The following TMEM233 variants were observed in gnomAD, a reference collection of about 807,000 sequenced individuals.
The protein encoded by TMEM233 is transmembrane protein 233, also known as dispanin subfamily B member 2.
A neutral mutation model predicts 11.2 loss-of-function variants in TMEM233; 6 were observed. That is an observed-to-expected ratio of 0.54 (90% CI 0.29 to 1.06). The LOEUF (loss-of-function observed/expected upper bound fraction) is 1.06, where lower values mean the gene tolerates loss of function less well. Ranked by LOEUF, TMEM233 falls within the 50% of genes least tolerant of loss-of-function variation. The pLI is 0.08. For synonymous variants in TMEM233, 59 were observed against 55.8 expected, an observed-to-expected ratio of 1.06 and a Z score of -0.26; for missense variants, 127 against 144.7, an observed-to-expected ratio of 0.88 and a Z score of 0.63.
At chr12:119,596,577 C>T (rs1480726461) in intron 1 of TMEM233, among the ~76,000 whole-genome samples, 6 of 148,004 alleles carry the variant, frequency 4.1e-5, no homozygotes, top group African/African-American at 1.5e-4. Flanking sequence ...CTGCAACCTC[C>T]ACCTCCCGGG....
At chr12:119,640,398 C>T (rs544205099) in intron 2 of TMEM233, among the ~76,000 whole-genome samples, 2 of 152,304 alleles carry the variant, frequency 1.3e-5, no homozygotes, top group Non-Finnish European at 2.9e-5. Flanking sequence ...CCTCGTGATC[C>T]ACCCGCCTCA....
At chr12:119,647,668 C>A (rs776623265), downstream of TMEM233, among the ~76,000 whole-genome samples, 1 of 152,084 alleles carries the variant, frequency 6.6e-6, no homozygotes, top group Non-Finnish European at 1.5e-5. Context: ...AGGTTTGTTA[C>A]GTAGGTATAT....
chr12:119,604,756 C>T (rs1299755583), intron 1 of TMEM233, among the ~76,000 whole-genome samples: 2 of 152,152 alleles, frequency 1.3e-5, no homozygotes, highest in Non-Finnish European at 2.9e-5. Context: ...ACTTCAGTCT[C>T]CAAAGTGCTG....
At chr12:119,626,710 C>G (rs1019408147) in intron 1 of TMEM233, among the ~76,000 whole-genome samples, 1 of 152,178 alleles carries the variant, frequency 6.6e-6, no homozygotes, top group African/African-American at 2.4e-5. Context: ...GGGAGAAGAA[C>G]AGTATCTGGC....
intron 1 of TMEM233, among the ~76,000 whole-genome samples, chr12:119,629,136 G>A (rs113371206): frequency 1.2e-4 from 19 of 152,356 alleles, no homozygotes; most frequent in Admixed American, 5.2e-4. Flanking sequence ...AAGGCCGGGC[G>A]TGGTGGCTCA....
At chr12:119,634,070 C>T (rs557899619) in intron 2 of TMEM233, among the ~76,000 whole-genome samples, 14 of 152,330 alleles carry the variant, frequency 9.2e-5, no homozygotes, top group Admixed American at 4.6e-4. Context: ...GAAGAACGTG[C>T]GAATGGTGGC....
At chr12:119,650,021 G>A in the TMEM233 span, among the ~76,000 whole-genome samples, 1 of 152,016 alleles carries the variant, frequency 6.6e-6, no homozygotes, top group Non-Finnish European at 1.5e-5. Context: ...AGCCGGGCGC[G>A]GTGGCGGGCG....
At chr12:119,621,736 A>T (rs1251336273) in intron 1 of TMEM233, among the ~76,000 whole-genome samples, 1 of 152,204 alleles carries the variant, frequency 6.6e-6, no homozygotes, top group Non-Finnish European at 1.5e-5. Context: ...AATGCCTCAT[A>T]AATACTATCT....
intron 1 of TMEM233, among the ~76,000 whole-genome samples, chr12:119,624,204 A>C (rs1954705338): frequency 6.6e-6 from 1 of 151,560 alleles, no homozygotes; most frequent in Non-Finnish European, 1.5e-5. Flanking sequence ...TAAAAAAAAA[A>C]CAAAAATTAG....
intron 1 of TMEM233, among the ~76,000 whole-genome samples, chr12:119,598,390 G>A (rs954796660): frequency 2.0e-5 from 3 of 152,126 alleles, no homozygotes; most frequent in Admixed American, 6.5e-5. Context: ...TGAACCAACT[G>A]GTCACTCTAA....
intron 1 of TMEM233, among the ~76,000 whole-genome samples, chr12:119,612,631 A>C (rs529241411): frequency 1.6e-3 from 240 of 151,924 alleles, no homozygotes; most frequent in African/African-American, 5.5e-3. Flanking sequence ...GGGCACCTGT[A>C]GTCCCAGCTA....
chr12:119,601,010 A>G (rs1182358337), intron 1 of TMEM233, among the ~76,000 whole-genome samples: 1 of 152,220 alleles, frequency 6.6e-6, no homozygotes, highest in Non-Finnish European at 1.5e-5. Flanking sequence ...AGATAAAAAT[A>G]GTCAAGAATA....
chr12:119,619,331 A>G (rs995484934), intron 1 of TMEM233, among the ~76,000 whole-genome samples: 1 of 152,188 alleles, frequency 6.6e-6, no homozygotes, highest in Non-Finnish European at 1.5e-5. Flanking sequence ...AAAATTCCAT[A>G]GAAGCATACA....
intron 2 of TMEM233, among the ~76,000 whole-genome samples, chr12:119,632,352 G>A (rs977479177): frequency 9.2e-5 from 14 of 152,124 alleles, no homozygotes; most frequent in African/African-American, 2.4e-4. Context: ...GGATAGTGTC[G>A]CTCTTCAGGC....
intron 1 of TMEM233, among the ~76,000 whole-genome samples, chr12:119,603,386 T>C (rs1435803744): frequency 5.3e-5 from 8 of 152,210 alleles, no homozygotes; most frequent in Admixed American, 5.2e-4. Context: ...TTAAATGAGT[T>C]GGCCAAAAAG....
At chr12:119,613,680 T>C (rs1302201337) in intron 1 of TMEM233, among the ~76,000 whole-genome samples, 1 of 152,018 alleles carries the variant, frequency 6.6e-6, no homozygotes, top group Admixed American at 6.6e-5. Flanking sequence ...TCGGGCATGG[T>C]GGCATGCACC....
chr12:119,651,144 T>G, the TMEM233 span, among the ~76,000 whole-genome samples: 1 of 152,250 alleles, frequency 6.6e-6, no homozygotes, highest in South Asian at 2.1e-4. Context: ...TAAGGGCAGT[T>G]ACCAGTTCTC....
intron 2 of TMEM233, among the ~76,000 whole-genome samples, chr12:119,638,620 A>G (rs1171531734): frequency 6.6e-6 from 1 of 152,196 alleles, no homozygotes; most frequent in Non-Finnish European, 1.5e-5. Flanking sequence ...CAGACGTGCA[A>G]CGATGTTCAT....
chr12:119,608,983 G>A (rs563172162), intron 1 of TMEM233, among the ~76,000 whole-genome samples: 29 of 152,264 alleles, frequency 1.9e-4, no homozygotes, highest in African/African-American at 4.8e-4. Flanking sequence ...ATAAGGATAC[G>A]CAAAAATGTG....
Sources: gnomAD v4.1 joint callset for allele counts (sites outside exome capture counted in the v4.1 genomes callset) on GRCh38, gnomAD v4.1.1 for gene constraint, MANE v1.5 for transcripts, NCBI Gene and HGNC (gene_info 2026-07-23, HGNC 2026-07-21) for gene names.